The following HS3ST4 variants were observed in gnomAD, a reference collection of about 807,000 sequenced individuals.
HS3ST4 encodes the protein heparan sulfate glucosamine 3-O-sulfotransferase 4.
In HS3ST4, 17 loss-of-function variants were observed where a neutral mutation model predicts 29.2. The observed-to-expected ratio is 0.58, with a 90% confidence interval of 0.40 to 0.87. The LOEUF (loss-of-function observed/expected upper bound fraction) is 0.87, where lower values mean the gene tolerates loss of function less well. Among genes scored for constraint, HS3ST4 ranks in the 40% least tolerant of loss-of-function variants. HS3ST4 has a pLI of 0.00. For synonymous variants in HS3ST4, 314 were observed against 285.7 expected, an observed-to-expected ratio of 1.10 and a Z score of -1.00; for missense variants, 627 against 634.5, an observed-to-expected ratio of 0.99 and a Z score of 0.13.
Position 25,723,666 on chromosome 16 carries a change from C to T in HS3ST4, c.734+30515C>T, listed in dbSNP as rs74014826. On this transcript the variant is annotated intron_variant, in intron 1 of 1. Transcript: ENST00000331351. ...TTTTTATCTCTTTTACTCAAAATAT[C>T]CTCGATGAAGCTCAGATGCTTTTCT... is the stretch of plus-strand genomic sequence containing the variant. 3.6e-3 allele frequency among the ~76,000 whole-genome samples: 546 copies of T among 152,318 alleles called. 4 individuals are homozygous for T. The highest frequency in any genetic ancestry group is 0.012 in the African/African-American group (509 of 41,584).
intron 1 of HS3ST4, among the ~76,000 whole-genome samples, chr16:25,733,769 T>C (rs987951779): frequency 6.6e-6 from 1 of 152,158 alleles, no homozygotes; most frequent in African/African-American, 2.4e-5. Flanking sequence ...GGGATATTAG[T>C]TAACAGGTGA....
intron 1 of HS3ST4, among the ~76,000 whole-genome samples, chr16:26,092,672 T>C (rs961403895): frequency 2.6e-5 from 4 of 152,146 alleles, no homozygotes; most frequent in East Asian, 3.9e-4. Context: ...CCCAGTGTGA[T>C]TGATGCAGAA....
At chr16:25,923,594 G>T (rs528715010) in intron 1 of HS3ST4, among the ~76,000 whole-genome samples, 1 of 152,032 alleles carries the variant, frequency 6.6e-6, no homozygotes, top group African/African-American at 2.4e-5. Flanking sequence ...GCAACTTCTG[G>T]CTCTACATTT....
intron 1 of HS3ST4, among the ~76,000 whole-genome samples, chr16:25,894,858 A>G (rs996025850): frequency 2.0e-5 from 3 of 152,100 alleles, no homozygotes; most frequent in Non-Finnish European, 4.4e-5. Flanking sequence ...TTCTCATATC[A>G]TTCCATATTT....
intron 1 of HS3ST4, among the ~76,000 whole-genome samples, chr16:25,895,156 T>C (rs1353759944): frequency 4.6e-5 from 7 of 151,912 alleles, no homozygotes; most frequent in African/African-American, 1.7e-4. Flanking sequence ...TGTGTGTGTG[T>C]GTGTGCTCAC....
At position 26,033,447 on chromosome 16, in the gene HS3ST4, G is replaced by A. The variant is rs143213022; in HGVS notation, c.735-102165G>A. 4.0e-3 allele frequency among the ~76,000 whole-genome samples: 600 copies of A among 151,192 alleles called. 35 individuals carry two copies. In the East Asian group the frequency reaches 0.1, roughly 26 times the overall value. ...GGAGAATTGCTTGAACCTGGGAGGC[G>A]GAGATTGCAGTGAGCTGAGATCACA... On this transcript the variant is annotated intron_variant, in intron 1 of 1. Transcript: ENST00000331351.
At chr16:25,949,772 G>T (rs1202714770) in intron 1 of HS3ST4, among the ~76,000 whole-genome samples, 1 of 152,102 alleles carries the variant, frequency 6.6e-6, no homozygotes, top group Non-Finnish European at 1.5e-5. Flanking sequence ...TCAAGGATGG[G>T]GAATAAGGAA....
chr16:25,931,825 CTCTG>C (rs767321008), intron 1 of HS3ST4, among the ~76,000 whole-genome samples: 81 of 152,180 alleles, frequency 5.3e-4, no homozygotes, highest in Non-Finnish European at 9.8e-4. Flanking sequence ...AGCCATATGG[CTCTG>C]TCTGGGGGCT....
intron 1 of HS3ST4, among the ~76,000 whole-genome samples, chr16:26,122,745 A>G (rs543935921): frequency 6.6e-6 from 1 of 152,310 alleles, no homozygotes; most frequent in South Asian, 2.1e-4. Context: ...GCAACCAGTA[A>G]TAGTCATGTA....
chr16:26,134,392 T>C (rs1402338084), intron 1 of HS3ST4, among the ~76,000 whole-genome samples: 1 of 143,150 alleles, frequency 7.0e-6, no homozygotes, highest in Admixed American at 7.4e-5. Flanking sequence ...AGATGGAGTC[T>C]CACTCTGTCA....
At chr16:25,826,649 A>G (rs1459005123) in intron 1 of HS3ST4, among the ~76,000 whole-genome samples, 1 of 151,900 alleles carries the variant, frequency 6.6e-6, no homozygotes, top group Non-Finnish European at 1.5e-5. Flanking sequence ...AGGGCACTAT[A>G]AAAAAAAGGA....
chr16:25,933,887 A>C (rs8057365), intron 1 of HS3ST4, among the ~76,000 whole-genome samples: 86,944 of 151,914 alleles, frequency 0.57, 26,006 homozygotes, highest in African/African-American at 0.7. Context: ...AACACCAAGC[A>C]ATTCATGAGG....
At chr16:25,917,709 A>G (rs941594162) in intron 1 of HS3ST4, among the ~76,000 whole-genome samples, 3 of 152,198 alleles carry the variant, frequency 2.0e-5, no homozygotes, top group African/African-American at 7.2e-5. Flanking sequence ...CCTCCCCACC[A>G]TTGCACACCT....
chr16:26,025,058 A>G (rs1162021653), intron 1 of HS3ST4, among the ~76,000 whole-genome samples: 3 of 151,902 alleles, frequency 2.0e-5, no homozygotes, highest in Admixed American at 2.0e-4. Context: ...ATTTCATCCT[A>G]TCCCCTTAAG....
intron 1 of HS3ST4, among the ~76,000 whole-genome samples, chr16:25,966,476 A>G (rs1253977494): frequency 6.6e-6 from 1 of 152,122 alleles, no homozygotes; most frequent in East Asian, 1.9e-4. Flanking sequence ...TCCCACCCAC[A>G]GGCTGTGACC....
At chr16:25,736,780 C>A (rs1392650193) in intron 1 of HS3ST4, among the ~76,000 whole-genome samples, 1 of 152,174 alleles carries the variant, frequency 6.6e-6, no homozygotes, top group East Asian at 1.9e-4. Context: ...AAATCTCTTG[C>A]AGAGTTTCTA....
chr16:25,940,414 C>G (rs918429763), intron 1 of HS3ST4, among the ~76,000 whole-genome samples: 13 of 152,256 alleles, frequency 8.5e-5, no homozygotes, highest in African/African-American at 3.1e-4. Flanking sequence ...TGGATTTAGG[C>G]TATACTTACT....
rs764398116 is a variant in HS3ST4 at position 25,692,653 on chromosome 16, C to T, written c.236C>T (p.Pro79Leu). The T allele has an allele frequency of 8.7e-5, 118 of 1,352,276 alleles. No individual in the cohort carries two copies. The Middle Eastern group carries it at 2.5e-3, about 29-fold the overall frequency. The allele number at this position is 1,352,276 out of a possible 1,614,324, so 83.8% of individuals were successfully genotyped here. Residue 79 changes from proline (P) to leucine (L), a missense_variant, in exon 1 of 2, where the codon CCG becomes CTG. Pro to Leu is a moderately conservative substitution (Grantham distance 98). Around this residue, in one of 2 missense-constraint regions of HS3ST4, gnomAD observed 402 missense variants for 340.8 expected, o/e 1.18. Transcript: ENST00000331351. The stretch of plus-strand genomic sequence containing the variant: ...GCCGCCGCCGAGCCCCCGCCGAGCC[C>T]GCCGCCACCCTCTCTGCTGCCTACC... Reference protein sequence around the residue: ...PGAAAEPPPSPPPPSLLPTPV... With the variant: ...PGAAAEPPPSLPPPSLLPTPV...
chr16:26,055,307 G>A (rs1898393896), intron 1 of HS3ST4, among the ~76,000 whole-genome samples: 1 of 152,134 alleles, frequency 6.6e-6, no homozygotes, highest in African/African-American at 2.4e-5. Context: ...GTGAGGTTCA[G>A]TTTTCAGCTA....
Sources: allele counts gnomAD v4.1 joint callset (sites outside exome capture counted in the v4.1 genomes callset), GRCh38; gene constraint gnomAD v4.1.1; regional missense constraint gnomAD v4.1.1; transcripts MANE v1.5; gene names NCBI Gene and HGNC (gene_info 2026-07-23, HGNC 2026-07-21).